JAZF1: variants seen among roughly 807,000 people sequenced by gnomAD.
JAZF1 encodes juxtaposed with another zinc finger protein 1.
In JAZF1, 8 loss-of-function variants were observed where a neutral mutation model predicts 26.4. That is an observed-to-expected ratio of 0.30 (90% CI 0.18 to 0.55). JAZF1 has a LOEUF of 0.55. JAZF1 is among the 20% of genes least tolerant of loss of function. The pLI is 0.94. For missense variants in JAZF1, 199 were observed against 322.0 expected (o/e 0.62, Z 2.92); for synonymous variants, 126 against 122.3 (o/e 1.03, Z -0.20).
intron 1 of JAZF1, among the ~76,000 whole-genome samples, chr7:28,118,586 A>G (rs1784785649): frequency 1.3e-5 from 2 of 152,230 alleles, no homozygotes; most frequent in African/African-American, 4.8e-5. Context: ...TGGAATTTTT[A>G]AAGTAAAAAT....
At chr7:28,026,075 C>T (rs879884210) in intron 1 of JAZF1, among the ~76,000 whole-genome samples, 3 of 152,124 alleles carry the variant, frequency 2.0e-5, no homozygotes, top group Non-Finnish European at 4.4e-5. Context: ...CTTATGGTCA[C>T]CCTGGTCATA....
At chr7:27,870,207 G>A (rs889903085) in intron 3 of JAZF1, among the ~76,000 whole-genome samples, 10 of 151,142 alleles carry the variant, frequency 6.6e-5, no homozygotes, top group Non-Finnish European at 1.2e-4. Context: ...TTACAGGCGT[G>A]AGCCACCATG....
intron 1 of JAZF1, among the ~76,000 whole-genome samples, chr7:28,118,388 G>A (rs1784781975): frequency 6.6e-6 from 1 of 152,174 alleles, no homozygotes; most frequent in African/African-American, 2.4e-5. Context: ...GGTGGTGGGC[G>A]CCTGTAGTCC....
At chr7:27,846,563 C>T (rs1783036555) in intron 3 of JAZF1, 1 of 470,874 alleles carries the variant, frequency 2.1e-6, no homozygotes, top group Non-Finnish European at 4.4e-6. Flanking sequence ...GGTATATAAC[C>T]AGAAGAGGGA....
chr7:28,015,033 A>ATG (rs397804972), intron 1 of JAZF1, among the ~76,000 whole-genome samples: 46,942 of 140,446 alleles, frequency 0.33, 7,387 homozygotes, highest in East Asian at 0.39. Flanking sequence ...GAAAGTGTGT[A>ATG]TGTGTGTGTG....
rs147210574 is a variant in JAZF1, at chr7:28,168,519, G to A, written c.115+11944C>T. ...TCCAACATGGCAACACTGGGTATCG[G>A]CTGCCTTTTTAAGCAAAGCAAAGAC... On this transcript the variant is annotated intron_variant, in intron 1 of 4. Transcript: ENST00000283928. Among the ~76,000 whole-genome samples the A allele has an allele frequency of 3.3e-3, 506 of 152,136 alleles. 3 individuals are homozygous for A. The highest frequency in any genetic ancestry group is 0.012 in the African/African-American group (479 of 41,486).
rs1459749911 is a variant in JAZF1 at position 27,987,703 on chromosome 7, T to G, written c.188+4206A>C. 2.0e-5 allele frequency among the ~76,000 whole-genome samples: 3 copies of G among 152,228 alleles called. No homozygotes were observed. The East Asian group carries it at 5.8e-4, about 29-fold the overall frequency. On this transcript the variant is annotated intron_variant, in intron 2 of 4. Transcript: ENST00000283928. ...CCATCTGGGAGGTGTACCCAACAGCTCATTGAGAACGGGCCATGATGACGA... is the reference window on the plus strand; with the variant it reads ...CCATCTGGGAGGTGTACCCAACAGCGCATTGAGAACGGGCCATGATGACGA...
At chr7:28,033,339 G>A (rs1214572355) in intron 1 of JAZF1, among the ~76,000 whole-genome samples, 1 of 152,178 alleles carries the variant, frequency 6.6e-6, no homozygotes, top group Admixed American at 6.5e-5. Context: ...CTGGCAAGGT[G>A]GCAGAGGACA....
intron 1 of JAZF1, among the ~76,000 whole-genome samples, chr7:28,172,054 T>G (rs1223856409): frequency 6.6e-6 from 1 of 152,146 alleles, no homozygotes; most frequent in Non-Finnish European, 1.5e-5. Context: ...AAAATCAGAA[T>G]CCAGGAAAAG....
At chr7:28,104,881 A>G (rs1352921890) in intron 1 of JAZF1, among the ~76,000 whole-genome samples, 2 of 152,234 alleles carry the variant, frequency 1.3e-5, no homozygotes, top group East Asian at 3.8e-4. Context: ...GTGCATCAGA[A>G]ATAGTATACC....
intron 3 of JAZF1, among the ~76,000 whole-genome samples, chr7:27,866,272 T>G (rs544902167): frequency 2.0e-5 from 3 of 152,204 alleles, no homozygotes; most frequent in African/African-American, 4.8e-5. Flanking sequence ...TAGGCCAGAT[T>G]GCAATGTGCA....
chr7:28,035,455 T>C (rs1042173202), intron 1 of JAZF1, among the ~76,000 whole-genome samples: 1 of 150,160 alleles, frequency 6.7e-6, no homozygotes, highest in Non-Finnish European at 1.5e-5. Context: ...TTAAGAAATC[T>C]AAAGAGATAG....
At chr7:28,116,100 C>A (rs1471577932) in intron 1 of JAZF1, among the ~76,000 whole-genome samples, 1 of 152,172 alleles carries the variant, frequency 6.6e-6, no homozygotes, top group Non-Finnish European at 1.5e-5. Context: ...AAACAATGGT[C>A]TAATGAGACA....
chr7:27,943,727 G>A (rs887171938), intron 2 of JAZF1, among the ~76,000 whole-genome samples: 3 of 152,208 alleles, frequency 2.0e-5, no homozygotes, highest in Non-Finnish European at 2.9e-5. Context: ...GAGCATGCCT[G>A]TGCTTTCTTT....
At chr7:27,887,408 GTATT>G (rs113116861) in intron 3 of JAZF1, among the ~76,000 whole-genome samples, 12 of 151,656 alleles carry the variant, frequency 7.9e-5, no homozygotes, top group Non-Finnish European at 1.0e-4. Context: ...CCACTGATTT[GTATT>G]TATTTATTTA....
intron 3 of JAZF1, among the ~76,000 whole-genome samples, chr7:27,849,900 T>C (rs552834013): frequency 3.0e-4 from 45 of 152,252 alleles, no homozygotes; most frequent in African/African-American, 1.0e-3. Flanking sequence ...TTGCCCACTC[T>C]CCTCGAACCT....
At chr7:28,054,671 A>G (rs1041385187) in intron 1 of JAZF1, among the ~76,000 whole-genome samples, 4 of 152,090 alleles carry the variant, frequency 2.6e-5, no homozygotes, top group Non-Finnish European at 5.9e-5. Context: ...TGATTCTCTC[A>G]TGCTCGAGGC....
chr7:27,847,379 G>C (rs964526947), intron 3 of JAZF1, among the ~76,000 whole-genome samples: 1 of 152,040 alleles, frequency 6.6e-6, no homozygotes, highest in Non-Finnish European at 1.5e-5. Flanking sequence ...ATGTCAAGTT[G>C]CTTTCTCCCC....
chr7:28,112,121 C>A (rs1784670858), intron 1 of JAZF1, among the ~76,000 whole-genome samples: 1 of 152,206 alleles, frequency 6.6e-6, no homozygotes, highest in South Asian at 2.1e-4. Context: ...CTCTCCCCTG[C>A]TGGTGACAGA....
Sources: allele counts gnomAD v4.1 joint callset (sites outside exome capture counted in the v4.1 genomes callset), GRCh38; gene constraint gnomAD v4.1.1; transcripts MANE v1.5; gene names NCBI Gene and HGNC (gene_info 2026-07-23, HGNC 2026-07-21).